Variants in PTPRZ1 observed in about 807,000 individuals in gnomAD.
PTPRZ1 encodes the protein receptor-type tyrosine-protein phosphatase zeta.
Under a neutral mutation model 214.1 loss-of-function variants are expected in PTPRZ1, and 82 were observed. That is an observed-to-expected ratio of 0.38 (90% confidence interval 0.32 to 0.46). The LOEUF (loss-of-function observed/expected upper bound fraction) is 0.46, where lower values mean the gene tolerates loss of function less well. Ranked by LOEUF, PTPRZ1 falls within the 20% of genes least tolerant of loss-of-function variation. PTPRZ1 has a pLI of 1.00. For synonymous variants in PTPRZ1, 945 were observed against 987.9 expected (o/e 0.96, Z 0.81); for missense variants, 2,603 against 2,748.7 (o/e 0.95, Z 1.19).
chr7:121,953,683 A>G (rs1796624787), intron 2 of PTPRZ1, among the ~76,000 whole-genome samples: 1 of 152,210 alleles, frequency 6.6e-6, no homozygotes, highest in Admixed American at 6.5e-5. Flanking sequence ...ACTGACAACA[A>G]ATAATTCACC....
intron 5 of PTPRZ1, among the ~76,000 whole-genome samples, chr7:121,976,544 G>A (rs1797440021): frequency 2.0e-5 from 3 of 151,972 alleles, no homozygotes; most frequent in African/African-American, 7.2e-5. Flanking sequence ...TAATAATTAT[G>A]TATTATTATC....
chr7:122,006,616 A>G (rs1401939641), intron 11 of PTPRZ1, among the ~76,000 whole-genome samples: 2 of 152,074 alleles, frequency 1.3e-5, no homozygotes, highest in African/African-American at 4.8e-5. Context: ...TGGTCTTGCC[A>G]TGTACATATA....
At chr7:121,976,873 C>G (rs1159371945) in intron 6 of PTPRZ1, 22 bp downstream of exon 6, 1 of 1,596,558 alleles carries the variant, frequency 6.3e-7, no homozygotes, top group African/African-American at 1.3e-5. Flanking sequence ...GGGGAACTAT[C>G]TTTCTTCAGG....
intron 1 of PTPRZ1, among the ~76,000 whole-genome samples, chr7:121,883,379 A>G (rs2116174678): frequency 6.6e-6 from 1 of 152,300 alleles, no homozygotes; most frequent in Non-Finnish European, 1.5e-5. Context: ...TTCACCTTTC[A>G]AAGCCTTGTA....
chr7:121,896,070 C>T (rs555555861), intron 1 of PTPRZ1, among the ~76,000 whole-genome samples: 1 of 152,214 alleles, frequency 6.6e-6, no homozygotes, highest in Admixed American at 6.5e-5. Context: ...GTAATTTATG[C>T]TGGACTTTGA....
At position 121,892,181 on chromosome 7, in the gene PTPRZ1, C is replaced by T. The variant is rs141242392; in HGVS notation, c.58+18624C>T. ...AATTGTTTGAAGTGTTGTTAGATAA[C>T]TTGTTTTCTGTGTAAGACATATATG... On this transcript the variant is annotated intron_variant, in intron 1 of 29. Transcript: ENST00000393386. Among the ~76,000 whole-genome samples, 353 of 152,204 alleles carry T rather than the reference C, an allele frequency of 2.3e-3. 2 individuals carry two copies. Among genetic ancestry groups the T allele is most frequent in the African/African-American group, 8.2e-3 (341 of 41,532 alleles).
intron 23 of PTPRZ1, among the ~76,000 whole-genome samples, chr7:122,047,445 G>C (rs1002587257): frequency 6.6e-6 from 1 of 151,980 alleles, no homozygotes; most frequent in African/African-American, 2.4e-5. Context: ...CAGAGACCCT[G>C]GGTGGTACAA....
chr7:122,027,508 T>C (rs749503652), intron 13 of PTPRZ1, among the ~76,000 whole-genome samples: 1 of 152,216 alleles, frequency 6.6e-6, no homozygotes, highest in Non-Finnish European at 1.5e-5. Context: ...TTAAAACTCA[T>C]TAGGATAAAT....
chr7:121,941,651 A>G (rs896903831), intron 2 of PTPRZ1, among the ~76,000 whole-genome samples: 2 of 152,316 alleles, frequency 1.3e-5, no homozygotes, highest in African/African-American at 2.4e-5. Flanking sequence ...TTTTTATTCC[A>G]GGATTATTAA....
chr7:122,042,854 G>C, intron 22 of PTPRZ1, 111 bp downstream of exon 22: 1 of 1,185,772 alleles, frequency 8.4e-7, no homozygotes, highest in Non-Finnish European at 1.2e-6. Flanking sequence ...AACTGGGTGG[G>C]TTAGAACAAC....
intron 21 of PTPRZ1, 55 bp downstream of exon 21, chr7:122,041,034 G>A: frequency 4.4e-6 from 6 of 1,351,506 alleles, no homozygotes; most frequent in Non-Finnish European, 4.8e-6. Flanking sequence ...CTTGCAAAAA[G>A]GAAATCAATG....
intron 27 of PTPRZ1, among the ~76,000 whole-genome samples, chr7:122,058,446 G>A (rs932006600): frequency 6.6e-6 from 1 of 152,024 alleles, no homozygotes; most frequent in Admixed American, 6.6e-5. Context: ...TTTCAAAACA[G>A]ATTTTAACAC....
chr7:121,876,685 T>C (rs919094060), intron 1 of PTPRZ1, among the ~76,000 whole-genome samples: 3 of 152,236 alleles, frequency 2.0e-5, no homozygotes, highest in Admixed American at 6.5e-5. Flanking sequence ...TAATTCCTTT[T>C]CATTGCAGAG....
chr7:121,930,020 T>C (rs907118438), intron 2 of PTPRZ1, among the ~76,000 whole-genome samples: 1 of 150,600 alleles, frequency 6.6e-6, no homozygotes, highest in Admixed American at 6.6e-5. Context: ...GTTACTTTAA[T>C]TTGCTTTTTT....
intron 20 of PTPRZ1, 75 bp from the exon 21 acceptor site, chr7:122,040,729 CGTGTGTGTGTGT>C (rs3993671): frequency 0.011 from 5,367 of 489,050 alleles, 96 homozygotes; most frequent in African/African-American, 0.059. Flanking sequence ...GTTGAAGAAC[CGTGTGTGTGTGT>C]GTGTGTGTGT....
intron 14 of PTPRZ1, among the ~76,000 whole-genome samples, chr7:122,030,552 A>T (rs1799340743): frequency 6.6e-6 from 1 of 152,060 alleles, no homozygotes; most frequent in Admixed American, 6.6e-5. Flanking sequence ...CAATTTTAGT[A>T]TTCAGATCCA....
chr7:121,903,475 T>C (rs948511807), intron 1 of PTPRZ1, among the ~76,000 whole-genome samples: 1 of 152,170 alleles, frequency 6.6e-6, no homozygotes, highest in Non-Finnish European at 1.5e-5. Context: ...TATTAGTTTA[T>C]CAAACAAATT....
rs74955827 is a variant in PTPRZ1 at position 121,971,888 on chromosome 7, C to A, written c.305-653C>A. On this transcript the variant is annotated intron_variant, in intron 3 of 29. Coordinates refer to ENST00000393386, the MANE Select transcript of PTPRZ1 (RefSeq NM_002851.3). ...ATCTTTCACTGGGCTCTCAAGAGAG[C>A]TCTCCAGAAGACTGTTAAAATATAG... Among the ~76,000 whole-genome samples, 347 of 152,282 alleles carry A rather than the reference C, an allele frequency of 2.3e-3. 3 individuals carry two copies. The highest frequency in any genetic ancestry group is 7.9e-3 in the African/African-American group (329 of 41,568).
chr7:122,010,434 C>T lies in PTPRZ1; in HGVS notation c.1388C>T (p.Thr463Ile), dbSNP rs143548439. 351 of 1,613,998 alleles carry T rather than the reference C, an allele frequency of 2.2e-4. No homozygotes were observed. The highest frequency in any genetic ancestry group is 2.8e-4 in the Non-Finnish European group (334 of 1,179,928). Residue 463 changes from threonine (T) to isoleucine (I), a missense_variant, in exon 12 of 30, where the codon ACC (threonine) becomes ATC (isoleucine). By Grantham distance (89) the Thr-to-Ile change is moderately conservative. This residue lies in a region of PTPRZ1 where 1,913 missense variants were observed against 1,914.3 expected (regional missense o/e 1.00). Coordinates refer to ENST00000393386, the MANE Select transcript of PTPRZ1 (RefSeq NM_002851.3). ...QIRKKEPQIS[T>I]TTHYNRIGTK... is the part of the protein sequence containing the mutation. ...AGGAAAAAGGAACCCCAGATTTCTA[C>T]CACAACACACTACAATCGCATAGGG...
Sources: allele counts gnomAD v4.1 joint callset (sites outside exome capture counted in the v4.1 genomes callset), GRCh38; gene constraint gnomAD v4.1.1; regional missense constraint gnomAD v4.1.1; transcripts MANE v1.5; gene names NCBI Gene and HGNC (gene_info 2026-07-23, HGNC 2026-07-21).